Variants in LANCL1 observed in about 807,000 individuals in gnomAD.
LANCL1 encodes the protein glutathione S-transferase LANCL1.
In LANCL1, 50 loss-of-function variants were observed where a neutral mutation model predicts 50.6. That is an observed-to-expected ratio of 0.99 (90% CI 0.79 to 1.25). LANCL1 has a LOEUF of 1.25. Ranked by LOEUF, LANCL1 falls within the 50% of genes most tolerant of loss-of-function variation. LANCL1 has a pLI of 0.00. For missense variants in LANCL1, 532 were observed against 480.7 expected (o/e 1.11, Z -1.00); for synonymous variants, 188 against 178.6 (o/e 1.05, Z -0.42).
chr2:210,461,419 T>C (rs1693854540), intron 3 of LANCL1, among the ~76,000 whole-genome samples: 1 of 152,040 alleles, frequency 6.6e-6, no homozygotes, highest in Admixed American at 6.6e-5. Context: ...ACAGATCAAA[T>C]TGCAAAGAGA....
chr2:210,451,410 C>T (rs1472206170), intron 4 of LANCL1, among the ~76,000 whole-genome samples: 4 of 152,036 alleles, frequency 2.6e-5, no homozygotes, highest in Non-Finnish European at 5.9e-5. Context: ...CACCATGGCA[C>T]GTGTATACCT....
At chr2:210,457,485 A>T (rs1370035101) in intron 3 of LANCL1, among the ~76,000 whole-genome samples, 1 of 152,184 alleles carries the variant, frequency 6.6e-6, no homozygotes, top group African/African-American at 2.4e-5. Flanking sequence ...GTGGGAAATA[A>T]AAACACAACT....
chr2:210,436,189 T>C, intron 8 of LANCL1, 27 bp downstream of exon 8: 1 of 1,604,142 alleles, frequency 6.2e-7, no homozygotes, highest in Non-Finnish European at 8.5e-7. Flanking sequence ...ACCGAGCTGC[T>C]TTCTATTTGG....
At position 210,432,761 on chromosome 2, in the gene LANCL1, G is replaced by A. The variant is rs542284349; in HGVS notation, c.*1726C>T. The A allele has an allele frequency of 3.3e-4, 51 of 152,276 alleles. No homozygotes were observed. Among genetic ancestry groups the A allele is most frequent in the Admixed American group, 2.4e-3 (37 of 15,292 alleles). The allele number at this position is 152,276 out of a possible 1,614,324, so 9.4% of individuals were successfully genotyped here. A position where few individuals can be genotyped will look rare whatever the true frequency, so the allele number is the denominator to read the frequency against. ...GCACTACTTTTACTTCTTACTGTAA[G>A]TGCTGATATCGCTGATTGAAAACTT... On this transcript the variant is annotated 3_prime_UTR_variant, in exon 10 of 10. Coordinates refer to ENST00000450366, the MANE Select transcript of LANCL1 (RefSeq NM_006055.3).
chr2:210,440,662 C>T lies in LANCL1; in HGVS notation c.626G>A (p.Trp209Ter), dbSNP rs755668534. Residue 209 changes from tryptophan (W) to a stop codon, truncating the protein, a stop_gained, in exon 6 of 10, where the codon TGG (tryptophan) becomes TAG (stop). Coordinates refer to ENST00000450366, the MANE Select transcript of LANCL1 (RefSeq NM_006055.3). LOFTEE classifies it high-confidence loss of function. ...FTAKSPLMYE[W>*]YQEYYVGAAH... is the part of the protein sequence containing the mutation. ...AGCCCCTACATAATATTCCTGGTAC[C>T]ATTCATACATCAGTGGAGACTTTGC... The T allele has an allele frequency of 1.2e-6, 2 of 1,613,902 alleles. No individual in the cohort carries two copies. Among genetic ancestry groups the T allele is most frequent in the South Asian group, 2.2e-5 (2 of 91,066 alleles).
chr2:210,471,304 C>T (rs1416905327), intron 3 of LANCL1, among the ~76,000 whole-genome samples: 1 of 151,994 alleles, frequency 6.6e-6, no homozygotes, highest in African/African-American at 2.4e-5. Context: ...CTCGGCCTCC[C>T]AAAGTGCTGG....
intron 6 of LANCL1, 32 bp from the exon 7 acceptor site, chr2:210,437,904 T>C (rs1435313185): frequency 6.6e-7 from 1 of 1,512,580 alleles, no homozygotes; most frequent in Non-Finnish European, 8.9e-7. Flanking sequence ...TTAGTTCTGC[T>C]GAAGCAAATA....
Position 210,433,023 on chromosome 2 carries a change from T to C in LANCL1, c.*1464A>G, listed in dbSNP as rs530734285. The C allele has an allele frequency of 6.5e-6, 1 of 152,788 alleles. No homozygotes were observed. Among genetic ancestry groups the C allele is most frequent in the Non-Finnish European group, 1.5e-5 (1 of 68,044 alleles). The allele number at this position is 152,788 out of a possible 1,614,324, so 9.5% of individuals were successfully genotyped here. ...GGAGACTGCTACCTGCAGGAACCAG[T>C]ACACACTCAGTGGGGATTTGGTTTG... On this transcript the variant is annotated 3_prime_UTR_variant, in exon 10 of 10. Coordinates refer to ENST00000450366, the MANE Select transcript of LANCL1 (RefSeq NM_006055.3).
chr2:210,474,513 C>T (rs1345873226), intron 2 of LANCL1, among the ~76,000 whole-genome samples: 2 of 150,800 alleles, frequency 1.3e-5, no homozygotes. Flanking sequence ...GTCAGGAGTT[C>T]GACACCAGCC....
chr2:210,434,503 G>C lies in LANCL1; in HGVS notation c.1184C>G (p.Pro395Arg), dbSNP rs1177332757. Residue 395 changes from proline (P) to arginine (R), a missense_variant, in exon 10 of 10, where the codon CCT (proline) becomes CGT (arginine). Physicochemically the swap from Pro to Arg is moderately radical, Grantham distance 103. Transcript: ENST00000450366. ...GCTATCCTTTCAGAGTTCAAATGCA[G>C]GGAACCTGGCTTTTGTGGGGACTAG... is the stretch of plus-strand genomic sequence containing the variant. Reference protein sequence around the residue: ...DLLVPTKARFPAFEL With the variant: ...DLLVPTKARFRAFEL The C allele has an allele frequency of 6.2e-7, 1 of 1,613,148 alleles. No homozygotes were observed. The highest frequency in any genetic ancestry group is 8.5e-7 in the Non-Finnish European group (1 of 1,179,462).
At chr2:210,445,655 GTTATT>G (rs1403321308) in intron 4 of LANCL1, among the ~76,000 whole-genome samples, 4 of 152,030 alleles carry the variant, frequency 2.6e-5, no homozygotes, top group Non-Finnish European at 5.9e-5. Context: ...AATCATAATG[GTTATT>G]TTATGTGTTT....
intron 4 of LANCL1, among the ~76,000 whole-genome samples, chr2:210,453,299 T>C (rs1693565670): frequency 1.3e-5 from 2 of 152,310 alleles, no homozygotes; most frequent in South Asian, 2.1e-4. Flanking sequence ...AATATTGATA[T>C]TGTACCATTT....
rs1422005821 is a variant in LANCL1, at chr2:210,476,702, T to C, written c.-99A>G. 5 of 1,175,604 alleles carry C rather than the reference T, an allele frequency of 4.3e-6. No homozygotes were observed. Among genetic ancestry groups the C allele is most frequent in the Non-Finnish European group, 5.3e-6 (5 of 947,344 alleles). The allele number at this position is 1,175,604 out of a possible 1,614,324, so 72.8% of individuals were successfully genotyped here. A position where few individuals can be genotyped will look rare whatever the true frequency, so the allele number is the denominator to read the frequency against. ...TGCGCCTCCCGCGTCCTGAAGCCCTTCTCGGCCCTGGCCTCTCACCCCGCA... is the reference window on the plus strand; with the variant it reads ...TGCGCCTCCCGCGTCCTGAAGCCCTCCTCGGCCCTGGCCTCTCACCCCGCA... On this transcript the variant is annotated 5_prime_UTR_variant, in exon 1 of 10. Coordinates refer to ENST00000450366, the MANE Select transcript of LANCL1 (RefSeq NM_006055.3).
At chr2:210,467,301 T>C (rs1694094881) in intron 3 of LANCL1, among the ~76,000 whole-genome samples, 1 of 152,202 alleles carries the variant, frequency 6.6e-6, no homozygotes, top group African/African-American at 2.4e-5. Context: ...GAAATTACGA[T>C]GTATTTTTGC....
chr2:210,448,282 AAAT>A (rs751803688), intron 4 of LANCL1, among the ~76,000 whole-genome samples: 10 of 152,336 alleles, frequency 6.6e-5, no homozygotes, highest in Non-Finnish European at 1.2e-4. Context: ...AGGCAGAAAT[AAAT>A]AAGTTCTTTG....
intron 4 of LANCL1, among the ~76,000 whole-genome samples, chr2:210,450,562 A>C (rs1693482789): frequency 6.6e-6 from 1 of 152,186 alleles, no homozygotes; most frequent in Admixed American, 6.5e-5. Context: ...CATGCAACCT[A>C]TAGAATGGGA....
intron 4 of LANCL1, among the ~76,000 whole-genome samples, chr2:210,447,116 C>G (rs968046129): frequency 1.3e-5 from 2 of 152,120 alleles, no homozygotes; most frequent in Non-Finnish European, 2.9e-5. Context: ...GTCGGGTTAC[C>G]CACAAAGGGA....
rs898266230 is a variant in LANCL1 at position 210,433,141 on chromosome 2, A to G, written c.*1346T>C. The G allele has an allele frequency of 6.6e-6, 1 of 151,760 alleles. No homozygotes were observed. Among genetic ancestry groups the G allele is most frequent in the African/African-American group, 2.4e-5 (1 of 41,188 alleles). The allele number at this position is 151,760 out of a possible 1,614,324, so 9.4% of individuals were successfully genotyped here. ...TAGACCCTGTTATTTTAAAGCTACA[A>G]TTTTTTTTTGCAAAATCAGTTGCAA... is the stretch of plus-strand genomic sequence containing the variant. On this transcript the variant is annotated 3_prime_UTR_variant, in exon 10 of 10. Transcript: ENST00000450366.
At chr2:210,460,634 A>C (rs1043941548) in intron 3 of LANCL1, 2 of 152,208 alleles carry the variant, frequency 1.3e-5, no homozygotes, top group Non-Finnish European at 2.9e-5. Context: ...CAACAAAATC[A>C]CATTTGTCTT....
Sources: gnomAD v4.1 joint callset for allele counts (sites outside exome capture counted in the v4.1 genomes callset) on GRCh38, gnomAD v4.1.1 for gene constraint, MANE v1.5 for transcripts, NCBI Gene and HGNC (gene_info 2026-07-23, HGNC 2026-07-21) for gene names.